The following RAB38 variants were observed in gnomAD, a reference collection of about 807,000 sequenced individuals.
The protein encoded by RAB38 is ras-related protein Rab-38.
A neutral mutation model predicts 18.4 loss-of-function variants in RAB38; 15 were observed. That is an observed-to-expected ratio of 0.82 (90% CI 0.55 to 1.26). The LOEUF (loss-of-function observed/expected upper bound fraction) is 1.26. Among genes scored for constraint, RAB38 ranks in the 50% most tolerant of loss-of-function variants. The pLI, the probability that RAB38 is intolerant of heterozygous loss-of-function variation, is 0.00. For missense variants in RAB38, 294 were observed against 267.4 expected (o/e 1.10, Z -0.69); for synonymous variants, 101 against 104.4 (o/e 0.97, Z 0.20).
At chr11:87,966,956 A>G in the RAB38 span, among the ~76,000 whole-genome samples, 4 of 152,218 alleles carry the variant, frequency 2.6e-5, no homozygotes, top group East Asian at 1.9e-4. Context: ...AGGACTCACA[A>G]TCATTCCTGT....
the RAB38 span, among the ~76,000 whole-genome samples, chr11:87,869,320 T>G: frequency 4.7e-5 from 4 of 85,890 alleles, no homozygotes; most frequent in East Asian, 2.7e-4. Flanking sequence ...GTGGTGAGTA[T>G]TATTATCCTA....
At chr11:87,823,808 CA>C in the RAB38 span, among the ~76,000 whole-genome samples, 2 of 151,874 alleles carry the variant, frequency 1.3e-5, no homozygotes, top group African/African-American at 4.8e-5. Context: ...GAATACTATT[CA>C]GCAATAAAAA....
the RAB38 span, among the ~76,000 whole-genome samples, chr11:88,101,762 G>T: frequency 6.6e-3 from 1,000 of 151,278 alleles, 9 homozygotes; most frequent in African/African-American, 0.022. Flanking sequence ...ATCAACAGCT[G>T]GTTTTAAGTA....
the RAB38 span, among the ~76,000 whole-genome samples, chr11:88,079,695 C>T: frequency 1.3e-5 from 2 of 151,582 alleles, no homozygotes; most frequent in Non-Finnish European, 1.5e-5. Flanking sequence ...TGTAATACAT[C>T]ATTAGCAAAT....
chr11:87,865,802 G>C, the RAB38 span, among the ~76,000 whole-genome samples: 1 of 151,696 alleles, frequency 6.6e-6, no homozygotes, highest in Non-Finnish European at 1.5e-5. Flanking sequence ...ATGACAGAAA[G>C]AGGAAGGGGA....
At chr11:87,886,691 C>G in the RAB38 span, among the ~76,000 whole-genome samples, 1 of 151,854 alleles carries the variant, frequency 6.6e-6, no homozygotes, top group East Asian at 2.0e-4. Flanking sequence ...TCACAGCTGC[C>G]CTGGAAAAGA....
chr11:87,891,779 A>G, the RAB38 span, among the ~76,000 whole-genome samples: 8 of 151,954 alleles, frequency 5.3e-5, no homozygotes, highest in South Asian at 1.7e-3. Flanking sequence ...AATCAGGAGT[A>G]AACAGAAAGA....
the RAB38 span, among the ~76,000 whole-genome samples, chr11:88,081,159 C>T: frequency 6.6e-6 from 1 of 151,576 alleles, no homozygotes; most frequent in Non-Finnish European, 1.5e-5. Context: ...GACAAATGTG[C>T]AAAACAATTG....
At chr11:88,162,217 T>G (rs1943195453) in intron 1 of RAB38, among the ~76,000 whole-genome samples, 1 of 152,120 alleles carries the variant, frequency 6.6e-6, no homozygotes, top group African/African-American at 2.4e-5. Flanking sequence ...TCATCTGTTT[T>G]CATGACTTTG....
the RAB38 span, among the ~76,000 whole-genome samples, chr11:87,859,961 C>T: frequency 6.6e-6 from 1 of 151,904 alleles, no homozygotes; most frequent in Non-Finnish European, 1.5e-5. Flanking sequence ...TGTCATGTGC[C>T]CATCTGCAAA....
chr11:87,932,735 C>A, the RAB38 span, among the ~76,000 whole-genome samples: 1 of 152,060 alleles, frequency 6.6e-6, no homozygotes, highest in Non-Finnish European at 1.5e-5. Flanking sequence ...AGTACAGCTG[C>A]AGCTAGTTGT....
the RAB38 span, among the ~76,000 whole-genome samples, chr11:87,845,832 T>C: frequency 6.6e-6 from 1 of 152,114 alleles, no homozygotes; most frequent in Non-Finnish European, 1.5e-5. Flanking sequence ...AATTAGACTG[T>C]TGATTTCTCA....
the RAB38 span, among the ~76,000 whole-genome samples, chr11:87,842,627 C>T: frequency 1.2e-4 from 19 of 152,120 alleles, no homozygotes; most frequent in Non-Finnish European, 1.5e-5. Flanking sequence ...TCTTTAATCA[C>T]CGCTTAACAA....
chr11:88,143,071 G>C (rs1391451118), intron 2 of RAB38, among the ~76,000 whole-genome samples: 1 of 152,182 alleles, frequency 6.6e-6, no homozygotes, highest in Admixed American at 6.5e-5. Flanking sequence ...TTATACGGTA[G>C]TGCAATGTGG....
the RAB38 span, among the ~76,000 whole-genome samples, chr11:87,833,691 A>G: frequency 2.3e-3 from 348 of 152,304 alleles, 1 homozygote; most frequent in Non-Finnish European, 4.0e-3. Flanking sequence ...TTGTTAAATA[A>G]CTTGTCCTAA....
chr11:88,049,446 C>T, the RAB38 span, among the ~76,000 whole-genome samples: 1 of 151,954 alleles, frequency 6.6e-6, no homozygotes, highest in African/African-American at 2.4e-5. Flanking sequence ...CCCTGCCAGC[C>T]AGAGAATAAC....
chr11:88,122,340 G>A (rs1435257605), intron 2 of RAB38, among the ~76,000 whole-genome samples: 1 of 152,138 alleles, frequency 6.6e-6, no homozygotes, highest in Non-Finnish European at 1.5e-5. Context: ...GTCTTTTACT[G>A]AAACAGTGCT....
At chr11:87,826,214 A>G in the RAB38 span, among the ~76,000 whole-genome samples, 1 of 152,190 alleles carries the variant, frequency 6.6e-6, no homozygotes, top group South Asian at 2.1e-4. Flanking sequence ...TGGTAGGAGT[A>G]ACAGGAAATA....
chr11:87,893,315 C>CACACATACAT, the RAB38 span, among the ~76,000 whole-genome samples: 1,222 of 140,188 alleles, frequency 8.7e-3, 52 homozygotes, highest in East Asian at 0.064. Flanking sequence ...TATATATACA[C>CACACATACAT]ACACATACAT....
Sources: allele counts gnomAD v4.1 joint callset (sites outside exome capture counted in the v4.1 genomes callset), GRCh38; gene constraint gnomAD v4.1.1; transcripts MANE v1.5; gene names NCBI Gene and HGNC (gene_info 2026-07-23, HGNC 2026-07-21).